HIF3A: variants seen among roughly 807,000 people sequenced by gnomAD.
HIF3A encodes the protein hypoxia inducible factor 3 subunit alpha, also known as hypoxia-inducible factor 3-alpha.
HIF3A carries 41 observed loss-of-function variants against 67.2 expected under a neutral mutation model. The observed-to-expected ratio is 0.61, with a 90% CI of 0.48 to 0.79. The LOEUF (loss-of-function observed/expected upper bound fraction) is 0.79. Ranked by LOEUF, HIF3A falls within the 30% of genes least tolerant of loss-of-function variation. The pLI, the probability that HIF3A is intolerant of heterozygous loss-of-function variation, is 0.00. For missense variants in HIF3A, 855 were observed against 898.0 expected (o/e 0.95, Z 0.61); for synonymous variants, 356 against 374.8 (o/e 0.95, Z 0.58).
Position 46,325,541 on chromosome 19 carries a change from CT to C in HIF3A, c.1343del (p.Leu448ProfsTer29). 6.2e-7 allele frequency: 1 copy of C among 1,611,766 alleles called. No homozygotes were observed. The highest frequency in any genetic ancestry group is 8.5e-7 in the Non-Finnish European group (1 of 1,178,876). On this transcript the variant is annotated frameshift_variant, in exon 11 of 15. Coordinates refer to ENST00000377670, the MANE Select transcript of HIF3A (RefSeq NM_152795.4). LOFTEE classifies it high-confidence loss of function. The part of the protein sequence containing the change: ...RHPQSPLSAD[L>X]PDELPVGTEN... The stretch of plus-strand genomic sequence containing the variant: ...CTACTCCATCTCTCCACAGGCTGAT[CT>C]CCCAGATGAACTACCTGTGGGCACC...
chr19:46,302,946 G>A (rs1177324383), intron 1 of HIF3A, among the ~76,000 whole-genome samples: 1 of 152,228 alleles, frequency 6.6e-6, no homozygotes, highest in African/African-American at 2.4e-5. Flanking sequence ...GAAGACAGTG[G>A]CAGAAACAGG....
At chr19:46,329,139 C>T in intron 11 of HIF3A, 68 bp from the exon 12 acceptor site, 1 of 1,443,500 alleles carries the variant, frequency 6.9e-7, no homozygotes, top group Non-Finnish European at 9.4e-7. Flanking sequence ...AGTGATGGTG[C>T]TGGGACTTCA....
At chr19:46,301,632 C>T (rs1238611152) in intron 1 of HIF3A, among the ~76,000 whole-genome samples, 1 of 151,996 alleles carries the variant, frequency 6.6e-6, no homozygotes, top group Admixed American at 6.6e-5. Flanking sequence ...TCGAGAGCAG[C>T]CTGGCCAACA....
At chr19:46,338,059 C>T (rs1034843649) in intron 14 of HIF3A, among the ~76,000 whole-genome samples, 2 of 152,182 alleles carry the variant, frequency 1.3e-5, no homozygotes, top group African/African-American at 4.8e-5. Context: ...TGTGCTAAAT[C>T]CTCTATGCAC....
chr19:46,324,514 A>G (rs1970611847), intron 10 of HIF3A, among the ~76,000 whole-genome samples: 1 of 152,080 alleles, frequency 6.6e-6, no homozygotes, highest in Admixed American at 6.6e-5. Context: ...TTTCCCCACT[A>G]AACTCCAGGC....
chr19:46,305,234 C>G lies in HIF3A; in HGVS notation c.218-11C>G. On this transcript the variant is annotated splice_polypyrimidine_tract_variant and intron_variant, in intron 2 of 14. Coordinates refer to ENST00000377670, the MANE Select transcript of HIF3A (RefSeq NM_152795.4). ...CTAGAGATGCCCCCATCCCCCTGCC[C>G]CGGGCACCAGGGGAGTGGAACCAGG... 2.5e-6 allele frequency: 4 copies of G among 1,613,798 alleles called. No individual in the cohort carries two copies. Among genetic ancestry groups the G allele is most frequent in the Non-Finnish European group, 2.5e-6 (3 of 1,179,988 alleles).
At chr19:46,312,978 G>A (rs936603101) in intron 8 of HIF3A, 2 of 1,004,898 alleles carry the variant, frequency 2.0e-6, no homozygotes, top group African/African-American at 3.6e-5. Flanking sequence ...GGCCTGGCAT[G>A]GTGGCTCATG....
chr19:46,338,405 G>T (rs1291136433), intron 14 of HIF3A: 1 of 420,326 alleles, frequency 2.4e-6, no homozygotes, highest in Non-Finnish European at 4.3e-6. Context: ...GTTTCACCAT[G>T]TTGCCCAGGC....
At chr19:46,335,570 T>A (rs1971549906) in intron 14 of HIF3A, among the ~76,000 whole-genome samples, 1 of 152,000 alleles carries the variant, frequency 6.6e-6, no homozygotes, top group South Asian at 2.1e-4. Context: ...GCACCCAGCC[T>A]AAAAATTTTT....
At position 46,339,757 on chromosome 19, in the gene HIF3A, C is replaced by T. The variant is rs1024665167; in HGVS notation, c.*135C>T. The T allele has an allele frequency of 9.6e-6, 5 of 522,918 alleles. No homozygotes were observed. The highest frequency in any genetic ancestry group is 1.9e-5 in the African/African-American group (1 of 51,504). The allele number at this position is 522,918 out of a possible 1,614,324, so 32.4% of individuals were successfully genotyped here. ...TCCTCTATGTACCCCCTGCCCACCT[C>T]GGGCCTACCTCAGCCCTCACCCCTC... On this transcript the variant is annotated 3_prime_UTR_variant, in exon 15 of 15. Coordinates refer to ENST00000377670, the MANE Select transcript of HIF3A (RefSeq NM_152795.4).
At chr19:46,304,441 C>T (rs998413907) in intron 2 of HIF3A, among the ~76,000 whole-genome samples, 1 of 152,144 alleles carries the variant, frequency 6.6e-6, no homozygotes, top group Non-Finnish European at 1.5e-5. Context: ...GATGGATAGG[C>T]CCTGGTCTCT....
intron 3 of HIF3A, among the ~76,000 whole-genome samples, 151 bp from the exon 4 acceptor site, chr19:46,308,066 GTGGA>G (rs965568119): frequency 2.9e-4 from 44 of 152,144 alleles, no homozygotes; most frequent in Admixed American, 1.3e-4. Flanking sequence ...TGCTCAGTGG[GTGGA>G]TGGATGGATG....
chr19:46,320,262 G>C (rs557147713), intron 8 of HIF3A, 181 bp from the exon 9 acceptor site: 70 of 558,876 alleles, frequency 1.3e-4, no homozygotes, highest in African/African-American at 1.1e-3. Context: ...ATAAAAAGCA[G>C]TCAACAGAAA....
chr19:46,337,834 T>G (rs1270867785), intron 14 of HIF3A, among the ~76,000 whole-genome samples: 1 of 152,206 alleles, frequency 6.6e-6, no homozygotes, highest in Non-Finnish European at 1.5e-5. Context: ...TTTATAACAC[T>G]CCATAATTAC....
At chr19:46,308,332 C>T (rs757476565) in intron 4 of HIF3A, 27 bp downstream of exon 4, 2 of 1,440,362 alleles carry the variant, frequency 1.4e-6, no homozygotes, top group South Asian at 1.2e-5. Context: ...CCTCTGTCCC[C>T]ACCATACAGA....
Position 46,339,725 on chromosome 19 carries a change from C to T in HIF3A, c.*103C>T, listed in dbSNP as rs570615073. 2.9e-5 allele frequency: 22 copies of T among 746,750 alleles called. No individual in the cohort carries two copies. In the African/African-American group the frequency reaches 3.7e-4, roughly 13 times the overall value. The allele number at this position is 746,750 out of a possible 1,614,324, so 46.3% of individuals were successfully genotyped here. On this transcript the variant is annotated 3_prime_UTR_variant, in exon 15 of 15. Coordinates refer to ENST00000377670, the MANE Select transcript of HIF3A (RefSeq NM_152795.4). Reference sequence around the variant, plus strand: ...AGGATGGGGGCGCCAGGAGAGGGGCCCCTCTCTCCTCTATGTACCCCCTGC... The same window carrying T: ...AGGATGGGGGCGCCAGGAGAGGGGCTCCTCTCTCCTCTATGTACCCCCTGC...
In HIF3A at chr19:46,313,421, A is replaced by G. The variant is rs544784770; in HGVS notation, c.1025+768A>G. 32 of 427,062 alleles carry G rather than the reference A, an allele frequency of 7.5e-5. 1 individual carries two copies. In the South Asian group the frequency reaches 3.0e-3, roughly 39 times the overall value. The allele number at this position is 427,062 out of a possible 1,614,324, so 26.5% of individuals were successfully genotyped here. On this transcript the variant is annotated intron_variant, in intron 8 of 14. Coordinates refer to ENST00000377670, the MANE Select transcript of HIF3A (RefSeq NM_152795.4). ...GAGGATTGCTAGAGCCTGGGGGTTCAAGACCAGCCTGGGCAAAGTGGTTAG... is the reference window on the plus strand; with the variant it reads ...GAGGATTGCTAGAGCCTGGGGGTTCGAGACCAGCCTGGGCAAAGTGGTTAG...
chr19:46,308,790 G>A lies in HIF3A; in HGVS notation c.561+15G>A. The A allele has an allele frequency of 6.5e-7, 1 of 1,539,120 alleles. No homozygotes were observed. Among genetic ancestry groups the A allele is most frequent in the Non-Finnish European group, 8.9e-7 (1 of 1,123,894 alleles). ...CCACCTGGAAGGTGCGTGGGGCCGGGCCAGAGGAGGGCGGGGACGCTGGGG... is the reference window on the plus strand; with the variant it reads ...CCACCTGGAAGGTGCGTGGGGCCGGACCAGAGGAGGGCGGGGACGCTGGGG... On this transcript the variant is annotated intron_variant, in intron 5 of 14. Transcript: ENST00000377670.
rs1473625265 is a variant in HIF3A at position 46,339,583 on chromosome 19, C to T, written c.1971C>T (p.Gly657=). Residue 657 remains glycine (G), a synonymous_variant, in exon 15 of 15, where the codon GGC becomes GGT. Transcript: ENST00000377670. ...YSDEDTTQPG[G]PFQPRAGSAQ... ...ACGAGGACACTACCCAGCCCGGGGG[C>T]CCCTTCCAGCCAAGGGCAGGCTCAG... 12 of 1,608,878 alleles carry T rather than the reference C, an allele frequency of 7.5e-6. No homozygotes were observed. The highest frequency in any genetic ancestry group is 7.6e-6 in the Non-Finnish European group (9 of 1,176,910).
Sources: allele counts gnomAD v4.1 joint callset (sites outside exome capture counted in the v4.1 genomes callset), GRCh38; gene constraint gnomAD v4.1.1; transcripts MANE v1.5; gene names NCBI Gene and HGNC (gene_info 2026-07-23, HGNC 2026-07-21).